The following UQCRB variants were observed in gnomAD, a reference collection of about 807,000 sequenced individuals.
UQCRB encodes the protein cytochrome b-c1 complex subunit 7.
A neutral mutation model predicts 19.8 loss-of-function variants in UQCRB; 12 were observed. The observed-to-expected ratio is 0.61, with a 90% CI of 0.39 to 0.98. The LOEUF (loss-of-function observed/expected upper bound fraction) is 0.98. Ranked by LOEUF, UQCRB falls within the 50% of genes least tolerant of loss-of-function variation. The probability of loss-of-function intolerance (pLI) is 0.00; values close to 1 mark genes in which losing one functional copy is unlikely to be tolerated. For synonymous variants in UQCRB, 39 were observed against 42.9 expected (o/e 0.91, Z 0.35); for missense variants, 142 against 131.8 (o/e 1.08, Z -0.38).
In UQCRB at chr8:96,229,117, C is replaced by G. The variant is rs1435569419; in HGVS notation, c.*1938G>C. The stretch of plus-strand genomic sequence containing the variant: ...AAACATTGATCTAGTGTTCAAAGAA[C>G]TTTTGCACACTTGTTCTCATTTAGA... On this transcript the variant is annotated 3_prime_UTR_variant, in exon 4 of 4. Coordinates refer to ENST00000287022, the MANE Select transcript of UQCRB (RefSeq NM_006294.5). The G allele has an allele frequency of 2.2e-6, 1 of 453,978 alleles. No individual in the cohort carries two copies. Among genetic ancestry groups the G allele is most frequent in the East Asian group, 6.9e-5 (1 of 14,400 alleles). 28.1% of individuals were successfully genotyped at this position (453,978 alleles called of 1,614,324 possible).
intron 3 of UQCRB, 83 bp downstream of exon 3, chr8:96,231,691 A>T: frequency 6.4e-7 from 1 of 1,571,940 alleles, no homozygotes; most frequent in South Asian, 1.1e-5. Flanking sequence ...GAACTCTAAC[A>T]CTATGCAAAT....
rs186330369 is a variant in UQCRB, at chr8:96,225,278, C to T, written c.*5777G>A. On this transcript the variant is annotated 3_prime_UTR_variant, in exon 4 of 4. Coordinates refer to ENST00000287022, the MANE Select transcript of UQCRB (RefSeq NM_006294.5). ...CAAGTTTAAACAAGAAACTCTCCAA[C>T]CAAATTCACAAAGATTGCTTTTAAT... is the stretch of plus-strand genomic sequence containing the variant. 4.6e-5 allele frequency among the ~76,000 whole-genome samples: 7 copies of T among 152,298 alleles called. No homozygotes were observed. The East Asian group carries it at 1.3e-3, about 29-fold the overall frequency.
In UQCRB at chr8:96,227,481, G is replaced by C. The variant is rs1283343961; in HGVS notation, c.*3574C>G. 2.2e-6 allele frequency: 1 copy of C among 454,086 alleles called. No individual in the cohort carries two copies. The highest frequency in any genetic ancestry group is 7.0e-5 in the East Asian group (1 of 14,386). 28.1% of individuals were successfully genotyped at this position (454,086 alleles called of 1,614,324 possible). A position where few individuals can be genotyped will look rare whatever the true frequency, so the allele number is the denominator to read the frequency against. On this transcript the variant is annotated 3_prime_UTR_variant, in exon 4 of 4. Coordinates refer to ENST00000287022, the MANE Select transcript of UQCRB (RefSeq NM_006294.5). ...TTCCTTGTTTTCCAAAGAGCAACCT[G>C]TCTTACTCACTTTCTAACCATCCCT...
rs1809512509 is a variant in UQCRB at position 96,225,590 on chromosome 8, C to T, written c.*5465G>A. Among the ~76,000 whole-genome samples, 1 of 151,922 alleles carries T rather than the reference C, an allele frequency of 6.6e-6. No homozygotes were observed. The highest frequency in any genetic ancestry group is 2.4e-5 in the African/African-American group (1 of 41,336). On this transcript the variant is annotated 3_prime_UTR_variant, in exon 4 of 4. Transcript: ENST00000287022. ...ACTCCATCAGTGCAAAACTGCCTGT[C>T]CTTCCCTAGACATACATCCTGCACT...
rs974418863 is a variant in UQCRB at position 96,227,021 on chromosome 8, G to A, written c.*4034C>T. 3.3e-5 allele frequency: 15 copies of A among 453,674 alleles called. No individual in the cohort carries two copies. Among genetic ancestry groups the A allele is most frequent in the African/African-American group, 1.2e-4 (6 of 49,918 alleles). 28.1% of individuals were successfully genotyped at this position (453,674 alleles called of 1,614,324 possible). A position where few individuals can be genotyped will look rare whatever the true frequency, so the allele number is the denominator to read the frequency against. The stretch of plus-strand genomic sequence containing the variant: ...ACATGTTATGGCTTTTAATATGAAC[G>A]CCAGTATAACCAGAATGTAAACAAA... On this transcript the variant is annotated 3_prime_UTR_variant, in exon 4 of 4. Transcript: ENST00000287022.
chr8:96,231,303 T>C (rs1379350023), intron 3 of UQCRB, 171 bp from the exon 4 acceptor site: 1 of 1,553,618 alleles, frequency 6.4e-7, no homozygotes, highest in Non-Finnish European at 8.7e-7. Context: ...TCTGTGGTGA[T>C]GGTGTGATAA....
chr8:96,227,141 A>G lies in UQCRB; in HGVS notation c.*3914T>C. The G allele has an allele frequency of 8.9e-6, 4 of 451,526 alleles. No individual in the cohort carries two copies. Among genetic ancestry groups the G allele is most frequent in the Non-Finnish European group, 1.8e-5 (4 of 225,376 alleles). The allele number at this position is 451,526 out of a possible 1,614,324, so 28.0% of individuals were successfully genotyped here. A position where few individuals can be genotyped will look rare whatever the true frequency, so the allele number is the denominator to read the frequency against. ...AGTCATCTGGTATGTTTAAAGAGTG[A>G]GCAATCATATAAAAGGAAATATGGT... is the stretch of plus-strand genomic sequence containing the variant. On this transcript the variant is annotated 3_prime_UTR_variant, in exon 4 of 4. Transcript: ENST00000287022.
rs2129798298 is a variant in UQCRB at position 96,230,492 on chromosome 8, A to G, written c.*563T>C. ...TTTCCAAAGTGGAAAAGTCACTGGG[A>G]TATGGGGACAGTATGATTTGTCTTT... is the stretch of plus-strand genomic sequence containing the variant. On this transcript the variant is annotated 3_prime_UTR_variant, in exon 4 of 4. Coordinates refer to ENST00000287022, the MANE Select transcript of UQCRB (RefSeq NM_006294.5). 2.2e-6 allele frequency: 1 copy of G among 454,092 alleles called. No individual in the cohort carries two copies. The highest frequency in any genetic ancestry group is 4.4e-6 in the Non-Finnish European group (1 of 226,798). 28.1% of individuals were successfully genotyped at this position (454,092 alleles called of 1,614,324 possible). A position where few individuals can be genotyped will look rare whatever the true frequency, so the allele number is the denominator to read the frequency against.
intron 1 of UQCRB, 78 bp downstream of exon 1, chr8:96,235,434 G>A (rs980970296): frequency 1.2e-5 from 20 of 1,603,686 alleles, no homozygotes; most frequent in African/African-American, 2.7e-5. Flanking sequence ...ACAAAGAAGA[G>A]AGAAAACGGA....
In UQCRB at chr8:96,228,534, A is replaced by AGCT. The variant is rs1809580046; in HGVS notation, c.*2518_*2520dup. The AGCT allele has an allele frequency of 2.2e-6, 1 of 454,018 alleles. No homozygotes were observed. Among genetic ancestry groups the AGCT allele is most frequent in the African/African-American group, 2.0e-5 (1 of 50,012 alleles). The allele number at this position is 454,018 out of a possible 1,614,324, so 28.1% of individuals were successfully genotyped here. On this transcript the variant is annotated 3_prime_UTR_variant, in exon 4 of 4. Coordinates refer to ENST00000287022, the MANE Select transcript of UQCRB (RefSeq NM_006294.5). ...AGACCTTGGACCTTAGCTACTGGTT[A>AGCT]GCTATTCGACATTGATGATATTCAG... is the stretch of plus-strand genomic sequence containing the variant.
chr8:96,231,404 A>T (rs1351265920), intron 3 of UQCRB: 3 of 1,537,366 alleles, frequency 2.0e-6, no homozygotes, highest in African/African-American at 2.7e-5. Flanking sequence ...ATGCAGTTCA[A>T]GGGGTGAGAG....
chr8:96,230,701 G>C lies in UQCRB; in HGVS notation c.*354C>G. 1 of 479,052 alleles carries C rather than the reference G, an allele frequency of 2.1e-6. No individual in the cohort carries two copies. Among genetic ancestry groups the C allele is most frequent in the Non-Finnish European group, 4.1e-6 (1 of 243,810 alleles). 29.7% of individuals were successfully genotyped at this position (479,052 alleles called of 1,614,324 possible). A position where few individuals can be genotyped will look rare whatever the true frequency, so the allele number is the denominator to read the frequency against. On this transcript the variant is annotated 3_prime_UTR_variant, in exon 4 of 4. Coordinates refer to ENST00000287022, the MANE Select transcript of UQCRB (RefSeq NM_006294.5). ...ATTTCTCAATCTTGGCAAACTAGGG[G>C]GTGCATACCCCCTTCTTTTATTCAG...
chr8:96,234,589 C>G (rs1809757021), intron 1 of UQCRB: 4 of 1,057,858 alleles, frequency 3.8e-6, no homozygotes, highest in Non-Finnish European at 3.9e-6. Context: ...CCCCAAAAAG[C>G]TCAATGTCAA....
At position 96,230,584 on chromosome 8, in the gene UQCRB, A is replaced by C. The variant is rs1435671495; in HGVS notation, c.*471T>G. 2.2e-6 allele frequency: 1 copy of C among 454,672 alleles called. No individual in the cohort carries two copies. The highest frequency in any genetic ancestry group is 6.9e-5 in the East Asian group (1 of 14,408). 28.2% of individuals were successfully genotyped at this position (454,672 alleles called of 1,614,324 possible). A position where few individuals can be genotyped will look rare whatever the true frequency, so the allele number is the denominator to read the frequency against. ...ATGTTAGCACAGGAGTATGTATATT[A>C]CTTAAGTATGCCTATGTTGGGGTGC... On this transcript the variant is annotated 3_prime_UTR_variant, in exon 4 of 4. Coordinates refer to ENST00000287022, the MANE Select transcript of UQCRB (RefSeq NM_006294.5).
rs1251830146 is a variant in UQCRB, at chr8:96,229,221, T to G, written c.*1834A>C. On this transcript the variant is annotated 3_prime_UTR_variant, in exon 4 of 4. Coordinates refer to ENST00000287022, the MANE Select transcript of UQCRB (RefSeq NM_006294.5). ...AACTCTTACAAAATCAGAGGTTGCC[T>G]TATGTAATACCACACTTTACCTTGA... 1 of 454,124 alleles carries G rather than the reference T, an allele frequency of 2.2e-6. No individual in the cohort carries two copies. 28.1% of individuals were successfully genotyped at this position (454,124 alleles called of 1,614,324 possible). A position where few individuals can be genotyped will look rare whatever the true frequency, so the allele number is the denominator to read the frequency against.
At chr8:96,232,517 T>C (rs1288972962) in intron 2 of UQCRB, 3 of 154,322 alleles carry the variant, frequency 1.9e-5, no homozygotes, top group African/African-American at 7.2e-5. Context: ...CTCTCTACTT[T>C]CAATGTTTAT....
rs1440236034 is a variant in UQCRB, at chr8:96,225,255, A to G, written c.*5800T>C. Among the ~76,000 whole-genome samples the G allele has an allele frequency of 6.6e-6, 1 of 152,238 alleles. No homozygotes were observed. The highest frequency in any genetic ancestry group is 1.5e-5 in the Non-Finnish European group (1 of 68,044). On this transcript the variant is annotated 3_prime_UTR_variant, in exon 4 of 4. Transcript: ENST00000287022. ...CTAGCTACTCAATCCAAGAAATGCA[A>G]GTTTAAACAAGAAACTCTCCAACCA... is the stretch of plus-strand genomic sequence containing the variant.
rs769702943 is a variant in UQCRB, at chr8:96,231,869, G to T, written c.163C>A (p.Leu55Ile). The T allele has an allele frequency of 5.6e-6, 9 of 1,614,036 alleles. No homozygotes were observed. The South Asian group carries it at 9.9e-5, about 18-fold the overall frequency. ...ATGCGAAACATCCTGTCATTATAAAGGTTCTCAGGAAGTCTTCTTATGGCT... is the reference window on the plus strand; with the variant it reads ...ATGCGAAACATCCTGTCATTATAAATGTTCTCAGGAAGTCTTCTTATGGCT... ...KEAIRRLPENLYNDRMFRIKR... is the reference protein window; with the variant it reads ...KEAIRRLPENIYNDRMFRIKR... Residue 55 changes from leucine (L) to isoleucine (I), a missense_variant, in exon 3 of 4, where the codon CTT (leucine) becomes ATT (isoleucine). Transcript: ENST00000287022.
chr8:96,234,270 C>T (rs1809746010), intron 1 of UQCRB: 1 of 253,870 alleles, frequency 3.9e-6, no homozygotes, highest in African/African-American at 2.3e-5. Context: ...TACAAACATA[C>T]TTGTGGAAGA....
Sources: gnomAD v4.1 joint callset for allele counts (sites outside exome capture counted in the v4.1 genomes callset) on GRCh38, gnomAD v4.1.1 for gene constraint, MANE v1.5 for transcripts, NCBI Gene and HGNC (gene_info 2026-07-23, HGNC 2026-07-21) for gene names.